The following C1QTNF1 variants were observed in gnomAD, a reference collection of about 807,000 sequenced individuals.
The protein encoded by C1QTNF1 is C1q and TNF related 1.
Under a neutral mutation model 27.8 loss-of-function variants are expected in C1QTNF1, and 22 were observed. That is an observed-to-expected ratio of 0.79 (90% CI 0.56 to 1.13). The LOEUF (loss-of-function observed/expected upper bound fraction) is 1.13, where lower values mean the gene tolerates loss of function less well. Among genes scored for constraint, C1QTNF1 ranks in the 50% most tolerant of loss-of-function variants. The probability of loss-of-function intolerance (pLI) is 0.00; values close to 1 mark genes in which losing one functional copy is unlikely to be tolerated. For synonymous variants in C1QTNF1, 166 were observed against 154.3 expected (o/e 1.08, Z -0.56); for missense variants, 373 against 380.2 (o/e 0.98, Z 0.16).
In C1QTNF1 at chr17:79,048,847, C is replaced by G. The variant is rs990395045; in HGVS notation, c.*759C>G. On this transcript the variant is annotated 3_prime_UTR_variant, in exon 4 of 4. Transcript: ENST00000579760. ...AGGGCTCCTGACAGTGGCCAGGGACCCCTGGGTCCCCCAGGCCTGCAGATG... is the reference window on the plus strand; with the variant it reads ...AGGGCTCCTGACAGTGGCCAGGGACGCCTGGGTCCCCCAGGCCTGCAGATG... 1 of 152,150 alleles carries G rather than the reference C, an allele frequency of 6.6e-6. No homozygotes were observed. The highest frequency in any genetic ancestry group is 2.4e-5 in the African/African-American group (1 of 41,434). 9.4% of individuals were successfully genotyped at this position (152,150 alleles called of 1,614,324 possible). A position where few individuals can be genotyped will look rare whatever the true frequency, so the allele number is the denominator to read the frequency against.
intron 1 of C1QTNF1, among the ~76,000 whole-genome samples, chr17:79,030,754 C>T (rs1406507607): frequency 6.6e-6 from 1 of 151,822 alleles, no homozygotes; most frequent in Admixed American, 6.6e-5. Context: ...CACACGCCAC[C>T]ACACCCAGCT....
rs1258912109 is a variant in C1QTNF1 at position 79,049,158 on chromosome 17, C to CCCCACTG, written c.*1074_*1080dup. 1 of 152,476 alleles carries CCCCACTG rather than the reference C, an allele frequency of 6.6e-6. No individual in the cohort carries two copies. Among genetic ancestry groups the CCCCACTG allele is most frequent in the Non-Finnish European group, 1.5e-5 (1 of 68,260 alleles). The allele number at this position is 152,476 out of a possible 1,614,324, so 9.4% of individuals were successfully genotyped here. On this transcript the variant is annotated 3_prime_UTR_variant, in exon 4 of 4. Coordinates refer to ENST00000579760, the MANE Select transcript of C1QTNF1 (RefSeq NM_030968.5). The surrounding 1 kb of genome is among the most constrained non-coding windows in gnomAD (Gnocchi z 4.4). ...CAAGGCTGATCCAGACCCCTTCTGC[C>CCCCACTG]CCCACTGCCCTCATCCAGGCCTCTG...
chr17:79,048,312 C>T lies in C1QTNF1; in HGVS notation c.*224C>T. ...AGGGCGGGGCACCCGCGAGAACCCTCTGGGACCTTCCGCGGCCCTCTCTGC... is the reference window on the plus strand; with the variant it reads ...AGGGCGGGGCACCCGCGAGAACCCTTTGGGACCTTCCGCGGCCCTCTCTGC... On this transcript the variant is annotated 3_prime_UTR_variant, in exon 4 of 4. Transcript: ENST00000579760. 1.8e-6 allele frequency: 1 copy of T among 541,940 alleles called. No homozygotes were observed. The highest frequency in any genetic ancestry group is 3.2e-6 in the Non-Finnish European group (1 of 315,938). The allele number at this position is 541,940 out of a possible 1,614,324, so 33.6% of individuals were successfully genotyped here. A position where few individuals can be genotyped will look rare whatever the true frequency, so the allele number is the denominator to read the frequency against.
chr17:79,031,205 C>T (rs1853638884), intron 1 of C1QTNF1, among the ~76,000 whole-genome samples: 1 of 150,898 alleles, frequency 6.6e-6, no homozygotes, highest in Non-Finnish European at 1.5e-5. Context: ...CGGGGTTTCA[C>T]CATGTTAGCC....
intron 1 of C1QTNF1, among the ~76,000 whole-genome samples, chr17:79,038,190 A>T (rs964439063): frequency 3.9e-5 from 6 of 151,990 alleles, no homozygotes; most frequent in African/African-American, 9.7e-5. Context: ...GGGTTTCACC[A>T]TGTTGGCCAG....
rs554565794 is a variant in C1QTNF1 at position 79,046,655 on chromosome 17, G to T, written c.256G>T (p.Ala86Ser). The change falls in exon 3 of 4, where the codon GCG (alanine) becomes TCG (serine). Residue 86 changes from alanine to serine, a missense_variant. Transcript: ENST00000579760. The surrounding 1 kb of genome is among the most constrained non-coding windows in gnomAD (Gnocchi z 4.8). The part of the protein sequence containing the change: ...CCDPGTSMYP[A>S]TAVPQINITI... Reference sequence around the variant, plus strand: ...TGACCCCGGTACCTCCATGTACCCGGCGACCGCCGTGCCCCAGATCAACAT... The same window carrying T: ...TGACCCCGGTACCTCCATGTACCCGTCGACCGCCGTGCCCCAGATCAACAT... 6.2e-7 allele frequency: 1 copy of T among 1,614,244 alleles called. No homozygotes were observed. Among genetic ancestry groups the T allele is most frequent in the Admixed American group, 1.7e-5 (1 of 60,030 alleles).
chr17:79,036,992 G>T (rs2072277918), intron 1 of C1QTNF1, among the ~76,000 whole-genome samples: 1 of 152,168 alleles, frequency 6.6e-6, no homozygotes, highest in Non-Finnish European at 1.5e-5. Flanking sequence ...GGAGCATAAG[G>T]ACAAAACCCA....
At chr17:79,022,997 T>C (rs2145871772), upstream of C1QTNF1, 1 of 152,600 alleles carries the variant, frequency 6.6e-6, no homozygotes, top group East Asian at 1.9e-4. Flanking sequence ...GTGGGCATTG[T>C]GCTTGCACCC....
intron 1 of C1QTNF1, among the ~76,000 whole-genome samples, chr17:79,039,690 A>G (rs911246510): frequency 2.0e-5 from 3 of 151,926 alleles, no homozygotes; most frequent in Admixed American, 1.3e-4. Context: ...CAATCCTTCA[A>G]TGGTGCCAGG....
intron 1 of C1QTNF1, among the ~76,000 whole-genome samples, chr17:79,041,353 CG>C (rs975471009): frequency 2.0e-5 from 3 of 151,900 alleles, no homozygotes; most frequent in Admixed American, 1.3e-4. Flanking sequence ...GAGAGAGGTT[CG>C]GGGGGGCCAG....
rs200961717 is a variant in C1QTNF1, at chr17:79,046,614, G to A, written c.215G>A (p.Arg72Gln). The A allele has an allele frequency of 3.7e-5, 60 of 1,614,234 alleles. No homozygotes were observed. The Admixed American group carries it at 5.3e-4, about 14-fold the overall frequency. Residue 72 changes from arginine (R) to glutamine (Q), a missense_variant, in exon 3 of 4, where the codon CGG (arginine) becomes CAG (glutamine). Physicochemically the swap from Arg to Gln is conservative, Grantham distance 43. Coordinates refer to ENST00000579760, the MANE Select transcript of C1QTNF1 (RefSeq NM_030968.5). This position sits in a 1 kb window ranked among gnomAD's most constrained non-coding sequence, Gnocchi z 4.8. Reference protein sequence around the residue: ...PSQDQGLPASRCLRCCDPGTS... With the variant: ...PSQDQGLPASQCLRCCDPGTS... Reference sequence around the variant, plus strand: ...CAGGACCAGGGGCTCCCTGCTTCCCGGTGCTTGCGCTGCTGTGACCCCGGT... The same window carrying A: ...CAGGACCAGGGGCTCCCTGCTTCCCAGTGCTTGCGCTGCTGTGACCCCGGT...
rs531768528 is a variant in C1QTNF1, at chr17:79,046,509, A to C, written c.156-46A>C. 4.3e-6 allele frequency: 7 copies of C among 1,611,738 alleles called. No individual in the cohort carries two copies. Among genetic ancestry groups the C allele is most frequent in the Non-Finnish European group, 5.9e-6 (7 of 1,178,522 alleles). On this transcript the variant is annotated intron_variant, in intron 2 of 3. Transcript: ENST00000579760. This position sits in a 1 kb window ranked among gnomAD's most constrained non-coding sequence, Gnocchi z 4.8. ...GGCAGCAGGAGAGAGCAGCGTTTCC[A>C]GGCCTGAGAGTGGCTGACTTTCACT...
intron 1 of C1QTNF1, among the ~76,000 whole-genome samples, chr17:79,035,882 G>A (rs1206677902): frequency 2.0e-5 from 3 of 152,230 alleles, no homozygotes; most frequent in East Asian, 1.9e-4. Flanking sequence ...GGTGGACTGA[G>A]GTCTGGGGGA....
chr17:79,030,485 T>TTTTCTTTTTCTTTCTTTC (rs1555670013), intron 1 of C1QTNF1, among the ~76,000 whole-genome samples: 3 of 121,870 alleles, frequency 2.5e-5, no homozygotes, highest in Admixed American at 2.4e-4. Context: ...CTTTCTTTCT[T>TTTTCTTTTTCTTTCTTTC]TTTCTTTCTT....
intron 1 of C1QTNF1, among the ~76,000 whole-genome samples, chr17:79,036,620 T>C (rs1406745068): frequency 1.3e-5 from 2 of 152,360 alleles, no homozygotes; most frequent in East Asian, 3.9e-4. Context: ...TTCTAGAATG[T>C]TACCCACTTA....
intron 1 of C1QTNF1, chr17:79,043,695 T>C (rs1298636628): frequency 1.7e-6 from 1 of 587,102 alleles, no homozygotes; most frequent in Non-Finnish European, 3.2e-6. Flanking sequence ...AGTGTGTGCA[T>C]GTGTGGGGGT....
chr17:79,043,074 G>T (rs939461130), intron 1 of C1QTNF1, among the ~76,000 whole-genome samples: 17 of 146,506 alleles, frequency 1.2e-4, no homozygotes, highest in Non-Finnish European at 2.2e-4. Context: ...TGTGTGTGTG[G>T]GTTGCATGTG....
At chr17:79,045,238 CTGG>C (rs761902556) in intron 2 of C1QTNF1, among the ~76,000 whole-genome samples, 40 of 152,082 alleles carry the variant, frequency 2.6e-4, no homozygotes, top group Non-Finnish European at 4.1e-4. Context: ...AAAGGCATGG[CTGG>C]TGGTGTTTGT....
chr17:79,031,783 T>G (rs890217017), intron 1 of C1QTNF1, among the ~76,000 whole-genome samples: 1 of 152,240 alleles, frequency 6.6e-6, no homozygotes, highest in Non-Finnish European at 1.5e-5. Context: ...ATGTAGGTGG[T>G]TTGTAACCTT....
Sources: allele counts gnomAD v4.1 joint callset (sites outside exome capture counted in the v4.1 genomes callset), GRCh38; gene constraint gnomAD v4.1.1; non-coding constraint Gnocchi (gnomAD v3.1); transcripts MANE v1.5; gene names NCBI Gene and HGNC (gene_info 2026-07-23, HGNC 2026-07-21).